The following CDIPT variants were observed in gnomAD, a reference collection of about 807,000 sequenced individuals.
The protein encoded by CDIPT is PI synthase.
In CDIPT, 17 loss-of-function variants were observed where a neutral mutation model predicts 21.6. That is an observed-to-expected ratio of 0.79 (90% confidence interval 0.54 to 1.18). The LOEUF is 1.18. Ranked by LOEUF, CDIPT falls within the 50% of genes most tolerant of loss-of-function variation. CDIPT has a pLI of 0.00. For missense variants in CDIPT, 254 were observed against 284.9 expected, an observed-to-expected ratio of 0.89 and a Z score of 0.78; for synonymous variants, 119 against 117.9, an observed-to-expected ratio of 1.01 and a Z score of -0.06.
rs774299487 is a variant in CDIPT at position 29,859,378 on chromosome 16, C to T, written c.497-44G>A. On this transcript the variant is annotated intron_variant, in intron 5 of 5. Transcript: ENST00000219789. The surrounding 1 kb of genome is among the most constrained non-coding windows in gnomAD (Gnocchi z 4.5). Reference sequence around the variant, plus strand: ...GGAGTTTGGGGCCCGAAGGAGGGGGCCTCCATCTCCCTGGGCAGGCCAGAT... The same window carrying T: ...GGAGTTTGGGGCCCGAAGGAGGGGGTCTCCATCTCCCTGGGCAGGCCAGAT... The T allele has an allele frequency of 1.9e-6, 3 of 1,583,988 alleles. No individual in the cohort carries two copies. Among genetic ancestry groups the T allele is most frequent in the Non-Finnish European group, 2.6e-6 (3 of 1,163,820 alleles).
In CDIPT at chr16:29,858,902, C is replaced by G; in HGVS notation, c.*287G>C. The G allele has an allele frequency of 2.5e-6, 1 of 401,180 alleles. No homozygotes were observed. The highest frequency in any genetic ancestry group is 4.5e-6 in the Non-Finnish European group (1 of 221,260). 24.9% of individuals were successfully genotyped at this position (401,180 alleles called of 1,614,324 possible). A position where few individuals can be genotyped will look rare whatever the true frequency, so the allele number is the denominator to read the frequency against. ...CCTCACTCAAGCGTCCCTAGCATCT[C>G]GGACCCCAGGACTGAGCAGGCAGGG... On this transcript the variant is annotated 3_prime_UTR_variant, in exon 6 of 6. Coordinates refer to ENST00000219789, the MANE Select transcript of CDIPT (RefSeq NM_006319.5).
rs77466776 is a variant in CDIPT, at chr16:29,858,985, C to T, written c.*204G>A. On this transcript the variant is annotated 3_prime_UTR_variant, in exon 6 of 6. Coordinates refer to ENST00000219789, the MANE Select transcript of CDIPT (RefSeq NM_006319.5). ...CACCGCCTGGATGGAGGGGGCCTCC[C>T]GCGTATCCTCCCTGATTTGAGGCCC... The T allele has an allele frequency of 9.9e-3, 5,984 of 605,052 alleles. 247 individuals carry two copies. Among genetic ancestry groups the T allele is most frequent in the African/African-American group, 0.092 (4,943 of 53,480 alleles). The allele number at this position is 605,052 out of a possible 1,614,324, so 37.5% of individuals were successfully genotyped here.
Position 29,862,958 on chromosome 16 carries a change from C to A in CDIPT, c.-101G>T, listed in dbSNP as rs768183721. 1.7e-5 allele frequency: 23 copies of A among 1,352,666 alleles called. No individual in the cohort carries two copies. The Admixed American group carries it at 3.9e-4, about 23-fold the overall frequency. 83.8% of individuals were successfully genotyped at this position (1,352,666 alleles called of 1,614,324 possible). A position where few individuals can be genotyped will look rare whatever the true frequency, so the allele number is the denominator to read the frequency against. On this transcript the variant is annotated 5_prime_UTR_variant, in exon 1 of 6. Coordinates refer to ENST00000219789, the MANE Select transcript of CDIPT (RefSeq NM_006319.5). This position sits in a 1 kb window ranked among gnomAD's most constrained non-coding sequence, Gnocchi z 6.7. ...CCTCCGGCCCGGCGCATCGGCCGCA[C>A]CACCTGCGCCCTGGACCCCGCCGCC...
chr16:29,863,127 CCTCCAGCTGCGGTCGCCGCTG>C lies in CDIPT; in HGVS notation c.-291_-271del, dbSNP rs932147286. On this transcript the variant is annotated 5_prime_UTR_variant, in exon 1 of 6. Transcript: ENST00000219789. The stretch of plus-strand genomic sequence containing the variant: ...CTGCCAGCCCCGCAGGCGCTCCGGG[CCTCCAGCTGCGGTCGCCGCTG>C]CTCCAGCTGCGCGTGGCTTCCGGGA... 3.5e-4 allele frequency: 168 copies of C among 477,756 alleles called. No homozygotes were observed. The highest frequency in any genetic ancestry group is 5.6e-4 in the Non-Finnish European group (150 of 270,110). The allele number at this position is 477,756 out of a possible 1,614,324, so 29.6% of individuals were successfully genotyped here. A position where few individuals can be genotyped will look rare whatever the true frequency, so the allele number is the denominator to read the frequency against.
At position 29,860,676 on chromosome 16, in the gene CDIPT, CA is replaced by C; in HGVS notation, c.333-15del. The C allele has an allele frequency of 6.5e-7, 1 of 1,534,846 alleles. No homozygotes were observed. On this transcript the variant is annotated splice_polypyrimidine_tract_variant and intron_variant, in intron 3 of 5. Coordinates refer to ENST00000219789, the MANE Select transcript of CDIPT (RefSeq NM_006319.5). ...CGGACCACAGAACTTGGGGAGAAAA[CA>C]GGGGAACCCACAAGGTTTCATGACC...
intron 2 of CDIPT, 70 bp from the exon 3 acceptor site, chr16:29,861,329 T>A (rs2067680711): frequency 6.3e-7 from 1 of 1,595,672 alleles, no homozygotes; most frequent in Admixed American, 1.8e-5. Context: ...ATTTGGTTTA[T>A]CACTCTGACG....
rs771312547 is a variant in CDIPT at position 29,863,032 on chromosome 16, CG to C, written c.-176del. Reference sequence around the variant, plus strand: ...GCCCGCAGCCGTCGGGAGCATGGACCGGCCCCGAGGTGCGCGGGACGCAGGG... The same window carrying C: ...GCCCGCAGCCGTCGGGAGCATGGACCGCCCCGAGGTGCGCGGGACGCAGGG... On this transcript the variant is annotated 5_prime_UTR_variant, in exon 1 of 6. Coordinates refer to ENST00000219789, the MANE Select transcript of CDIPT (RefSeq NM_006319.5). The C allele has an allele frequency of 1.3e-6, 1 of 766,716 alleles. No individual in the cohort carries two copies. Among genetic ancestry groups the C allele is most frequent in the Non-Finnish European group, 2.2e-6 (1 of 449,774 alleles). The allele number at this position is 766,716 out of a possible 1,614,324, so 47.5% of individuals were successfully genotyped here. A position where few individuals can be genotyped will look rare whatever the true frequency, so the allele number is the denominator to read the frequency against.
rs1231673261 is a variant in CDIPT at position 29,863,047 on chromosome 16, C to A, written c.-190G>T. The A allele has an allele frequency of 1.5e-6, 1 of 683,426 alleles. No individual in the cohort carries two copies. The highest frequency in any genetic ancestry group is 2.5e-6 in the Non-Finnish European group (1 of 396,028). 42.3% of individuals were successfully genotyped at this position (683,426 alleles called of 1,614,324 possible). On this transcript the variant is annotated 5_prime_UTR_variant, in exon 1 of 6. Transcript: ENST00000219789. ...GAGCATGGACCGGCCCCGAGGTGCG[C>A]GGGACGCAGGGGGCGCGCGCAGTCC...
At position 29,858,666 on chromosome 16, in the gene CDIPT, C is replaced by T. The variant is rs151156392; in HGVS notation, c.*523G>A. 1 of 155,330 alleles carries T rather than the reference C, an allele frequency of 6.4e-6. No individual in the cohort carries two copies. The highest frequency in any genetic ancestry group is 1.4e-5 in the Non-Finnish European group (1 of 69,762). The allele number at this position is 155,330 out of a possible 1,614,324, so 9.6% of individuals were successfully genotyped here. ...ACGGACGTCCTTCCCTAAGCTCCCT[C>T]AACCCAGGCCCTGAGCCAAGAATAT... is the stretch of plus-strand genomic sequence containing the variant. On this transcript the variant is annotated 3_prime_UTR_variant, in exon 6 of 6. Transcript: ENST00000219789.
Position 29,858,894 on chromosome 16 carries a change from T to C in CDIPT, c.*295A>G, listed in dbSNP as rs2067654858. On this transcript the variant is annotated 3_prime_UTR_variant, in exon 6 of 6. Coordinates refer to ENST00000219789, the MANE Select transcript of CDIPT (RefSeq NM_006319.5). ...ACCACCTCCCTCACTCAAGCGTCCC[T>C]AGCATCTCGGACCCCAGGACTGAGC... The C allele has an allele frequency of 2.6e-6, 1 of 378,466 alleles. No individual in the cohort carries two copies. The allele number at this position is 378,466 out of a possible 1,614,324, so 23.4% of individuals were successfully genotyped here. A position where few individuals can be genotyped will look rare whatever the true frequency, so the allele number is the denominator to read the frequency against.
At chr16:29,861,729 T>C (rs1596943168) in intron 2 of CDIPT, 1 of 553,248 alleles carries the variant, frequency 1.8e-6, no homozygotes. Flanking sequence ...ACACTGTTTT[T>C]TGTTTTTTGT....
At chr16:29,861,313 G>A (rs773074297) in intron 2 of CDIPT, 54 bp from the exon 3 acceptor site, 22 of 1,606,946 alleles carry the variant, frequency 1.4e-5, no homozygotes, top group Admixed American at 1.7e-5. Context: ...CAGGACAGGT[G>A]CCCATATTTG....
intron 4 of CDIPT, 102 bp downstream of exon 4, chr16:29,860,479 C>T (rs1276232004): frequency 2.6e-6 from 2 of 759,114 alleles, no homozygotes; most frequent in Non-Finnish European, 4.6e-6. Flanking sequence ...CTGGGCAGGC[C>T]CTGCTCTGCG....
At position 29,860,998 on chromosome 16, in the gene CDIPT, G is replaced by C. The variant is rs1045853021; in HGVS notation, c.332+108C>G. 8 of 1,081,562 alleles carry C rather than the reference G, an allele frequency of 7.4e-6. No individual in the cohort carries two copies. The Admixed American group carries it at 1.2e-4, about 16-fold the overall frequency. The allele number at this position is 1,081,562 out of a possible 1,614,324, so 67.0% of individuals were successfully genotyped here. A position where few individuals can be genotyped will look rare whatever the true frequency, so the allele number is the denominator to read the frequency against. On this transcript the variant is annotated intron_variant, in intron 3 of 5. Transcript: ENST00000219789. ...CTTTCTACAAAGCAGAGCTAAAAAGGAGCCCTTCCAGGATGCCTAGTGCCA... is the reference window on the plus strand; with the variant it reads ...CTTTCTACAAAGCAGAGCTAAAAAGCAGCCCTTCCAGGATGCCTAGTGCCA...
In CDIPT at chr16:29,859,807, ACCAGCCTGG is replaced by A. The variant is rs1251218378; in HGVS notation, c.415-293_415-285del. Among the ~76,000 whole-genome samples, 3 of 151,864 alleles carry A rather than the reference ACCAGCCTGG, an allele frequency of 2.0e-5. No individual in the cohort carries two copies. The highest frequency in any genetic ancestry group is 7.3e-5 in the African/African-American group (3 of 41,316). ...GATCACCTGAGGTCAGGAGTTTGGG[ACCAGCCTGG>A]CCAACGTGGCGAAACCCCTCTCTAC... On this transcript the variant is annotated intron_variant, in intron 4 of 5. Coordinates refer to ENST00000219789, the MANE Select transcript of CDIPT (RefSeq NM_006319.5). This position sits in a 1 kb window ranked among gnomAD's most constrained non-coding sequence, Gnocchi z 4.5.
At position 29,858,513 on chromosome 16, in the gene CDIPT, C is replaced by CA. The variant is rs2067650064; in HGVS notation, c.*675dup. 6.6e-6 allele frequency: 1 copy of CA among 152,540 alleles called. No individual in the cohort carries two copies. The highest frequency in any genetic ancestry group is 2.4e-5 in the African/African-American group (1 of 41,422). The allele number at this position is 152,540 out of a possible 1,614,324, so 9.4% of individuals were successfully genotyped here. A position where few individuals can be genotyped will look rare whatever the true frequency, so the allele number is the denominator to read the frequency against. ...TATCAAGAATATAAATACATGTAGA[C>CA]AGTCAGTGACATCAAACAAGTGGGC... is the stretch of plus-strand genomic sequence containing the variant. On this transcript the variant is annotated 3_prime_UTR_variant, in exon 6 of 6. Transcript: ENST00000219789.
chr16:29,860,279 C>A (rs1258996574), intron 4 of CDIPT, among the ~76,000 whole-genome samples: 1 of 152,206 alleles, frequency 6.6e-6, no homozygotes, highest in South Asian at 2.1e-4. Context: ...CTTCCAGAGG[C>A]TGCCTGTGTT....
At chr16:29,860,339 C>T (rs887375755) in intron 4 of CDIPT, among the ~76,000 whole-genome samples, 4 of 152,228 alleles carry the variant, frequency 2.6e-5, no homozygotes, top group African/African-American at 9.6e-5. Flanking sequence ...TGGCTTATCT[C>T]CCTTCCCGCT....
rs1482868032 is a variant in CDIPT, at chr16:29,862,697, T to C, written c.67A>G (p.Ile23Val). 1.2e-6 allele frequency: 2 copies of C among 1,613,868 alleles called. No individual in the cohort carries two copies. The highest frequency in any genetic ancestry group is 1.7e-5 in the Admixed American group (1 of 59,980). ...CAGGGCATGAAGTAGAAAGAAATGA[T>C]GGCGAAGACAATCCGGGCATAACCT... The part of the protein sequence containing the change: ...LIGYARIVFA[I>V]ISFYFMPCCP... The change falls in exon 2 of 6, where the codon ATC becomes GTC. Residue 23 changes from isoleucine to valine, a missense_variant. Physicochemically the swap from Ile to Val is conservative, Grantham distance 29. Transcript: ENST00000219789. The surrounding 1 kb of genome is among the most constrained non-coding windows in gnomAD (Gnocchi z 6.7).
Sources: allele counts gnomAD v4.1 joint callset (sites outside exome capture counted in the v4.1 genomes callset), GRCh38; gene constraint gnomAD v4.1.1; non-coding constraint Gnocchi (gnomAD v3.1); transcripts MANE v1.5; gene names NCBI Gene and HGNC (gene_info 2026-07-23, HGNC 2026-07-21).